SHANK2: variants seen among roughly 807,000 people sequenced by gnomAD.
SHANK2 encodes the protein SH3 and multiple ankyrin repeat domains protein 2.
In SHANK2, 43 loss-of-function variants were observed where a neutral mutation model predicts 133.7. The observed-to-expected ratio is 0.32, with a 90% confidence interval of 0.25 to 0.41. SHANK2 has a LOEUF of 0.41. SHANK2 is among the 10% of genes least tolerant of loss of function. The pLI is 1.00. For missense variants in SHANK2, 1,994 were observed against 2,235.8 expected, an observed-to-expected ratio of 0.89 and a Z score of 2.18; for synonymous variants, 1,017 against 952.8, an observed-to-expected ratio of 1.07 and a Z score of -1.24.
intron 1 of SHANK2, among the ~76,000 whole-genome samples, chr11:71,249,190 C>A (rs1948136631): frequency 2.0e-5 from 3 of 152,120 alleles, no homozygotes; most frequent in Admixed American, 1.3e-4. Context: ...ATTCATTCTC[C>A]CGGTGCCCAG....
chr11:71,240,336 GTCTC>G (rs1278246644), intron 1 of SHANK2, among the ~76,000 whole-genome samples: 3 of 152,154 alleles, frequency 2.0e-5, no homozygotes, highest in African/African-American at 7.2e-5. Context: ...CCACACTCGG[GTCTC>G]TCTGAGTGAC....
chr11:70,811,024 T>A (rs1434754445), intron 12 of SHANK2, among the ~76,000 whole-genome samples: 1 of 152,160 alleles, frequency 6.6e-6, no homozygotes, highest in African/African-American at 2.4e-5. Context: ...CTGGGCTGCA[T>A]GGATGCTCTT....
At chr11:71,107,391 C>A (rs530287291) in intron 6 of SHANK2, among the ~76,000 whole-genome samples, 5 of 152,294 alleles carry the variant, frequency 3.3e-5, no homozygotes, top group Admixed American at 3.3e-4. Context: ...CCAGGAGCCA[C>A]TTATCGGGGA....
intron 14 of SHANK2, among the ~76,000 whole-genome samples, chr11:70,770,896 C>T: frequency 6.8e-6 from 1 of 148,074 alleles, no homozygotes; most frequent in South Asian, 2.2e-4. Context: ...TCCTTCTCTC[C>T]TTCCCTCCCT....
intron 12 of SHANK2, among the ~76,000 whole-genome samples, chr11:70,818,038 T>C (rs1353992607): frequency 6.6e-6 from 1 of 152,180 alleles, no homozygotes; most frequent in Non-Finnish European, 1.5e-5. Context: ...CCTGGTCCCT[T>C]GTTTTATAAT....
At chr11:70,499,440 CCA>C (rs1394255524) in intron 21 of SHANK2, among the ~76,000 whole-genome samples, 3 of 152,212 alleles carry the variant, frequency 2.0e-5, no homozygotes, top group African/African-American at 7.2e-5. Context: ...CCACAGGCGC[CCA>C]CGGTGGCTCA....
At chr11:70,947,200 C>T (rs1440425831) in intron 10 of SHANK2, among the ~76,000 whole-genome samples, 2 of 148,106 alleles carry the variant, frequency 1.4e-5, no homozygotes, top group Non-Finnish European at 3.0e-5. Context: ...CGTGACGTTT[C>T]AAGGTTAGAA....
intron 17 of SHANK2, among the ~76,000 whole-genome samples, chr11:70,574,312 C>T (rs1449226372): frequency 1.3e-5 from 2 of 152,222 alleles, no homozygotes; most frequent in Admixed American, 6.5e-5. Flanking sequence ...CTGCTGGGAA[C>T]TCATACCACA....
At chr11:71,230,454 A>C (rs1348854322) in intron 1 of SHANK2, among the ~76,000 whole-genome samples, 1 of 152,030 alleles carries the variant, frequency 6.6e-6, no homozygotes, top group Non-Finnish European at 1.5e-5. Context: ...CTGTAGTACT[A>C]GCTACTCGGG....
At chr11:70,704,641 C>T (rs184845475) in intron 14 of SHANK2, among the ~76,000 whole-genome samples, 22 of 152,298 alleles carry the variant, frequency 1.4e-4, no homozygotes, top group Middle Eastern at 6.8e-3. Flanking sequence ...TGGAAGGACA[C>T]GGGCTATGGC....
chr11:70,745,459 C>G (rs981267071), intron 14 of SHANK2, among the ~76,000 whole-genome samples: 3 of 152,202 alleles, frequency 2.0e-5, no homozygotes, highest in Non-Finnish European at 4.4e-5. Context: ...TCCGGGCCTC[C>G]GTCCCCTCCT....
At chr11:70,917,108 C>T (rs990505939) in intron 10 of SHANK2, among the ~76,000 whole-genome samples, 7 of 152,060 alleles carry the variant, frequency 4.6e-5, no homozygotes, top group African/African-American at 9.7e-5. Context: ...GTCTTGGCCC[C>T]GATGTCAGCT....
chr11:70,811,662 A>T (rs1332688870), intron 12 of SHANK2, among the ~76,000 whole-genome samples: 1 of 134,686 alleles, frequency 7.4e-6, no homozygotes, highest in Non-Finnish European at 1.6e-5. Context: ...TCCATCCATC[A>T]TCTATTCATC....
intron 14 of SHANK2, among the ~76,000 whole-genome samples, chr11:70,731,992 C>A (rs1025766920): frequency 6.6e-6 from 1 of 152,296 alleles, no homozygotes; most frequent in Middle Eastern, 3.4e-3. Context: ...TCCTCCTCAG[C>A]TCCCCATCCT....
At chr11:70,552,993 T>C (rs1172377555) in intron 17 of SHANK2, among the ~76,000 whole-genome samples, 1 of 152,126 alleles carries the variant, frequency 6.6e-6, no homozygotes, top group Non-Finnish European at 1.5e-5. Context: ...CGTGTCCTCA[T>C]GTGGTCATCC....
chr11:70,702,421 TCAC>T (rs782580134), intron 14 of SHANK2, among the ~76,000 whole-genome samples: 9 of 151,210 alleles, frequency 6.0e-5, no homozygotes, highest in East Asian at 2.0e-4. Flanking sequence ...ATCATCATCA[TCAC>T]CACCATCACC....
intron 17 of SHANK2, among the ~76,000 whole-genome samples, chr11:70,626,640 C>T (rs2060909052): frequency 6.6e-6 from 1 of 152,224 alleles, no homozygotes; most frequent in Admixed American, 6.5e-5. Context: ...ACAGAGCCCA[C>T]TGGACTGCAA....
intron 17 of SHANK2, among the ~76,000 whole-genome samples, chr11:70,619,016 A>C (rs1001520949): frequency 6.6e-6 from 1 of 151,932 alleles, no homozygotes; most frequent in African/African-American, 2.4e-5. Flanking sequence ...TCCCTTACCC[A>C]CACCCTTCGT....
At chr11:70,757,388 G>A (rs1331022283) in intron 14 of SHANK2, among the ~76,000 whole-genome samples, 4 of 152,224 alleles carry the variant, frequency 2.6e-5, no homozygotes, top group African/African-American at 4.8e-5. Flanking sequence ...AGTCCTGCCC[G>A]CAGGGCTGGC....
Sources: allele counts gnomAD v4.1 joint callset (sites outside exome capture counted in the v4.1 genomes callset), GRCh38; gene constraint gnomAD v4.1.1; transcripts MANE v1.5; gene names NCBI Gene and HGNC (gene_info 2026-07-23, HGNC 2026-07-21).